Variants in NETO1 observed in about 807,000 individuals in gnomAD.
NETO1 encodes the protein neuropilin and tolloid like 1, also known as neuropilin and tolloid-like protein 1.
In NETO1, 26 loss-of-function variants were observed where a neutral mutation model predicts 61.3. The ratio of observed to expected loss-of-function variants is 0.42; its 90% CI spans 0.31 to 0.59. The LOEUF is 0.59. NETO1 is among the 20% of genes least tolerant of loss of function. The pLI, the probability that NETO1 is intolerant of heterozygous loss-of-function variation, is 0.12. For missense variants in NETO1, 531 were observed against 662.8 expected (o/e 0.80, Z 2.18); for synonymous variants, 225 against 225.8 (o/e 1.00, Z 0.03).
At chr18:72,782,638 C>T (rs2071782527) in intron 7 of NETO1, among the ~76,000 whole-genome samples, 1 of 151,982 alleles carries the variant, frequency 6.6e-6, no homozygotes, top group Admixed American at 6.6e-5. Context: ...AACCCCATCT[C>T]TACTAATAAT....
intron 4 of NETO1, among the ~76,000 whole-genome samples, chr18:72,804,199 C>T (rs1045843295): frequency 1.3e-5 from 2 of 152,118 alleles, no homozygotes; most frequent in Non-Finnish European, 2.9e-5. Flanking sequence ...ATAAGCCAAG[C>T]ATTTTGAGTT....
chr18:72,819,451 A>G lies in NETO1; in HGVS notation c.470-25047T>C, dbSNP rs147731810. On this transcript the variant is annotated intron_variant, in intron 4 of 10. Coordinates refer to ENST00000327305, the MANE Select transcript of NETO1 (RefSeq NM_138966.5). Reference sequence around the variant, plus strand: ...ATAATTAGATAATTCTATGATTTCAAAAATATTTGACGTTGATACTGGATT... The same window carrying G: ...ATAATTAGATAATTCTATGATTTCAGAAATATTTGACGTTGATACTGGATT... Among the ~76,000 whole-genome samples, 827 of 152,338 alleles carry G rather than the reference A, an allele frequency of 5.4e-3. 8 individuals carry two copies. Among genetic ancestry groups the G allele is most frequent in the African/African-American group, 0.019 (780 of 41,582 alleles).
chr18:72,762,237 C>T (rs1423095385), intron 7 of NETO1, among the ~76,000 whole-genome samples: 5 of 151,742 alleles, frequency 3.3e-5, no homozygotes, highest in African/African-American at 7.3e-5. Context: ...CTCCACTCAC[C>T]GCGACCTCTG....
At chr18:72,828,181 C>T (rs1390095110) in intron 4 of NETO1, among the ~76,000 whole-genome samples, 1 of 152,100 alleles carries the variant, frequency 6.6e-6, no homozygotes, top group Non-Finnish European at 1.5e-5. Flanking sequence ...TGTGGTGGCA[C>T]ATGCCTGTAA....
chr18:72,867,495 C>T lies in NETO1; in HGVS notation c.-204G>A. 5.0e-6 allele frequency: 2 copies of T among 396,052 alleles called. No homozygotes were observed. The highest frequency in any genetic ancestry group is 6.3e-4 in the Middle Eastern group (1 of 1,594). The allele number at this position is 396,052 out of a possible 1,614,324, so 24.5% of individuals were successfully genotyped here. On this transcript the variant is annotated 5_prime_UTR_variant, in exon 1 of 11. Coordinates refer to ENST00000327305, the MANE Select transcript of NETO1 (RefSeq NM_138966.5). Reference sequence around the variant, plus strand: ...CAGATCCGGATGAGTCCGTCCTCCGCCCCGGGCGGGCTCTCGCTCTCGCTG... The same window carrying T: ...CAGATCCGGATGAGTCCGTCCTCCGTCCCGGGCGGGCTCTCGCTCTCGCTG...
Position 72,747,037 on chromosome 18 carries a change from G to A in NETO1, c.*1142C>T, listed in dbSNP as rs1016212936. On this transcript the variant is annotated 3_prime_UTR_variant, in exon 11 of 11. Coordinates refer to ENST00000327305, the MANE Select transcript of NETO1 (RefSeq NM_138966.5). ...TGATTTTAAAGCAGTTTTAAAAAGA[G>A]TTCCCTATTCTAAAAGAAGAAAATA... The A allele has an allele frequency of 6.6e-6, 1 of 151,890 alleles. No individual in the cohort carries two copies. Among genetic ancestry groups the A allele is most frequent in the African/African-American group, 2.4e-5 (1 of 41,412 alleles). 9.4% of individuals were successfully genotyped at this position (151,890 alleles called of 1,614,324 possible).
intron 7 of NETO1, among the ~76,000 whole-genome samples, chr18:72,760,458 C>G (rs2070934063): frequency 6.6e-6 from 1 of 152,138 alleles, no homozygotes. Flanking sequence ...ACAGAGAGCC[C>G]AGCTGTGATT....
chr18:72,836,710 G>A (rs190770738), intron 4 of NETO1, among the ~76,000 whole-genome samples: 1 of 152,288 alleles, frequency 6.6e-6, no homozygotes, highest in Non-Finnish European at 1.5e-5. Flanking sequence ...TGGTTGTACA[G>A]ACAGGGATGA....
chr18:72,835,364 A>G, intron 4 of NETO1: 2 of 1,514,110 alleles, frequency 1.3e-6, no homozygotes, highest in Non-Finnish European at 1.8e-6. Context: ...AGACCAGTAT[A>G]TGATCAGGCA....
intron 4 of NETO1, chr18:72,834,011 C>A: frequency 1.6e-6 from 1 of 618,212 alleles, no homozygotes; most frequent in Non-Finnish European, 2.0e-6. Flanking sequence ...TTTTAACACC[C>A]AACCTACAAG....
rs151175760 is a variant in NETO1, at chr18:72,861,114, A to T, written c.221-2040T>A. On this transcript the variant is annotated intron_variant, in intron 3 of 10. Coordinates refer to ENST00000327305, the MANE Select transcript of NETO1 (RefSeq NM_138966.5). ...TACTAAGAAATAATGGCCATCTAAC[A>T]TGAATTCACTTCTCCATACCTTCGC... 3.4e-3 allele frequency among the ~76,000 whole-genome samples: 519 copies of T among 152,334 alleles called. 1 individual carries two copies. The highest frequency in any genetic ancestry group is 0.012 in the African/African-American group (483 of 41,576).
rs1362692722 is a variant in NETO1, at chr18:72,830,465, A to C, written c.469+28361T>G. ...CGGTGAAAGGGACCAGGGCATCTAA[A>C]CAAGGAGTCCAAAAAACAAACACAA... On this transcript the variant is annotated intron_variant, in intron 4 of 10. Coordinates refer to ENST00000327305, the MANE Select transcript of NETO1 (RefSeq NM_138966.5). The surrounding 1 kb of genome is among the most constrained non-coding windows in gnomAD (Gnocchi z 4.9). 1.3e-5 allele frequency among the ~76,000 whole-genome samples: 2 copies of C among 152,176 alleles called. No homozygotes were observed. Among genetic ancestry groups the C allele is most frequent in the Non-Finnish European group, 2.9e-5 (2 of 68,024 alleles).
chr18:72,755,969 A>G, intron 8 of NETO1, 65 bp downstream of exon 8: 2 of 780,832 alleles, frequency 2.6e-6, no homozygotes, highest in Non-Finnish European at 2.3e-6. Context: ...TGATTGATAC[A>G]TATAAACTTC....
rs998982272 is a variant in NETO1, at chr18:72,746,343, TAATA to T, written c.*1832_*1835del. On this transcript the variant is annotated 3_prime_UTR_variant, in exon 11 of 11. Coordinates refer to ENST00000327305, the MANE Select transcript of NETO1 (RefSeq NM_138966.5). ...TTAAAGGGCAAAAAAGGAACCATGG[TAATA>T]AATAAACCAGTCAAGCCAAATAAAA... 2.0e-5 allele frequency among the ~76,000 whole-genome samples: 3 copies of T among 152,082 alleles called. No individual in the cohort carries two copies. The highest frequency in any genetic ancestry group is 4.8e-5 in the African/African-American group (2 of 41,432).
rs1249082519 is a variant in NETO1, at chr18:72,830,665, G to A, written c.469+28161C>T. Among the ~76,000 whole-genome samples, 1 of 152,116 alleles carries A rather than the reference G, an allele frequency of 6.6e-6. No individual in the cohort carries two copies. The highest frequency in any genetic ancestry group is 2.4e-5 in the African/African-American group (1 of 41,400). On this transcript the variant is annotated intron_variant, in intron 4 of 10. Coordinates refer to ENST00000327305, the MANE Select transcript of NETO1 (RefSeq NM_138966.5). This position sits in a 1 kb window ranked among gnomAD's most constrained non-coding sequence, Gnocchi z 4.9. ...TTACAGGCAAAGCATATGAAAATCT[G>A]TCTTAATCCTGATTCCTAGTTGAAC... is the stretch of plus-strand genomic sequence containing the variant.
chr18:72,838,357 TTGAC>T (rs1270732990), intron 4 of NETO1, among the ~76,000 whole-genome samples: 1 of 152,230 alleles, frequency 6.6e-6, no homozygotes, highest in Non-Finnish European at 1.5e-5. Flanking sequence ...CCAATTCTCT[TTGAC>T]TGACATCTTA....
At chr18:72,854,324 A>G (rs1328247635) in intron 4 of NETO1, among the ~76,000 whole-genome samples, 3 of 152,234 alleles carry the variant, frequency 2.0e-5, no homozygotes, top group Non-Finnish European at 4.4e-5. Flanking sequence ...TTTGAGGTCT[A>G]TTCCTTAATT....
At chr18:72,743,351 G>T (rs987740550), downstream of NETO1, among the ~76,000 whole-genome samples, 6 of 152,148 alleles carry the variant, frequency 3.9e-5, no homozygotes, top group Admixed American at 3.3e-4. Context: ...TGCTTAGAAG[G>T]TCAGTTATTC....
rs568302066 is a variant in NETO1, at chr18:72,744,386, T to C, written c.*3793A>G. Reference sequence around the variant, plus strand: ...TCTGGCTATTTTAACAGTGTACTTTTATTTTTCTACCTTATTACACCTTTA... The same window carrying C: ...TCTGGCTATTTTAACAGTGTACTTTCATTTTTCTACCTTATTACACCTTTA... On this transcript the variant is annotated 3_prime_UTR_variant, in exon 11 of 11. Transcript: ENST00000327305. 5 of 152,328 alleles carry C rather than the reference T, an allele frequency of 3.3e-5. No individual in the cohort carries two copies. The highest frequency in any genetic ancestry group is 7.4e-5 in the Non-Finnish European group (5 of 68,026). The allele number at this position is 152,328 out of a possible 1,614,324, so 9.4% of individuals were successfully genotyped here.
Sources: gnomAD v4.1 joint callset for allele counts (sites outside exome capture counted in the v4.1 genomes callset) on GRCh38, gnomAD v4.1.1 for gene constraint, Gnocchi (gnomAD v3.1) non-coding constraint, MANE v1.5 for transcripts, NCBI Gene and HGNC (gene_info 2026-07-23, HGNC 2026-07-21) for gene names.